The following ATP7B variants were observed in gnomAD, a reference collection of about 807,000 sequenced individuals.
The protein encoded by ATP7B is ATPase copper transporting beta, also known as copper-transporting ATPase 2.
A neutral mutation model predicts 118.9 loss-of-function variants in ATP7B; 113 were observed. The observed-to-expected ratio is 0.95, with a 90% CI of 0.82 to 1.11. ATP7B has a LOEUF of 1.11. Among genes scored for constraint, ATP7B ranks in the 50% most tolerant of loss-of-function variants. The probability of loss-of-function intolerance (pLI) is 0.00; values close to 1 mark genes in which losing one functional copy is unlikely to be tolerated. For synonymous variants in ATP7B, 777 were observed against 727.4 expected, an observed-to-expected ratio of 1.07 and a Z score of -1.10; for missense variants, 1,867 against 1,871.4, an observed-to-expected ratio of 1.00 and a Z score of 0.04.
chr13:51,945,775 T>C lies in ATP7B; in HGVS notation c.3060+509A>G, dbSNP rs567638690. On this transcript the variant is annotated intron_variant, in intron 13 of 20. Coordinates refer to ENST00000242839, the MANE Select transcript of ATP7B (RefSeq NM_000053.4). Reference sequence around the variant, plus strand: ...TCACACGCAGTGAGTGCCCAGCAAATACTGATTAAATAGGTGAAAGTGTGG... The same window carrying C: ...TCACACGCAGTGAGTGCCCAGCAAACACTGATTAAATAGGTGAAAGTGTGG... Among the ~76,000 whole-genome samples, 43 of 152,288 alleles carry C rather than the reference T, an allele frequency of 2.8e-4. No individual in the cohort carries two copies. The South Asian group carries it at 8.7e-3, about 31-fold the overall frequency.
chr13:51,963,663 G>A (rs1016425002), intron 5 of ATP7B, among the ~76,000 whole-genome samples: 3 of 150,596 alleles, frequency 2.0e-5, no homozygotes, highest in African/African-American at 4.9e-5. Context: ...TTGATCCCAG[G>A]AGGCGGAGGT....
intron 5 of ATP7B, chr13:51,964,667 C>A: frequency 1.7e-6 from 1 of 581,094 alleles, no homozygotes; most frequent in Non-Finnish European, 3.0e-6. Flanking sequence ...CTTTCTCTTA[C>A]CCATTCACTG....
At chr13:51,957,911 G>A (rs1433585043) in intron 8 of ATP7B, 2 of 467,142 alleles carry the variant, frequency 4.3e-6, no homozygotes, top group Non-Finnish European at 7.9e-6. Flanking sequence ...TTTAGGGCCT[G>A]AGTTCCATTC....
intron 1 of ATP7B, among the ~76,000 whole-genome samples, chr13:51,997,073 G>A (rs888308870): frequency 1.3e-5 from 2 of 152,136 alleles, no homozygotes; most frequent in African/African-American, 4.8e-5. Context: ...AAATACATCA[G>A]GTGCATCTGT....
At chr13:51,973,006 TA>T (rs1434288618) in intron 2 of ATP7B, among the ~76,000 whole-genome samples, 1 of 152,046 alleles carries the variant, frequency 6.6e-6, no homozygotes, top group Non-Finnish European at 1.5e-5. Flanking sequence ...ACCGTGTCCC[TA>T]AAAAAATTAA....
At chr13:51,967,072 TTGAAA>T (rs1951588640) in intron 4 of ATP7B, 1 of 1,603,454 alleles carries the variant, frequency 6.2e-7, no homozygotes, top group Admixed American at 1.7e-5. Context: ...AACAAGAAAA[TTGAAA>T]GATGGGAAAT....
chr13:51,961,839 C>T lies in ATP7B; in HGVS notation c.1944G>A (p.Lys648=), dbSNP rs1302960255. 1 of 1,613,458 alleles carries T rather than the reference C, an allele frequency of 6.2e-7. No homozygotes were observed. The highest frequency in any genetic ancestry group is 8.5e-7 in the Non-Finnish European group (1 of 1,179,564). Residue 648 remains lysine (K), a splice_region_variant and synonymous_variant, in exon 6 of 21, where the codon AAG becomes AAA. Coordinates refer to ENST00000242839, the MANE Select transcript of ATP7B (RefSeq NM_000053.4). ...AHHLDHKMEI[K]QWKKSFLCSL... ...TTTATCTTTTGTGTTCTACCTACTG[C>T]TTTATTTCCATCTTGTGGTCCAAGT...
intron 9 of ATP7B, among the ~76,000 whole-genome samples, chr13:51,955,881 G>C (rs528410458): frequency 6.6e-6 from 1 of 152,308 alleles, no homozygotes; most frequent in Non-Finnish European, 1.5e-5. Flanking sequence ...TCCTGTTTGG[G>C]GGCAGCGCAG....
chr13:51,991,087 A>G (rs891679136), intron 1 of ATP7B, among the ~76,000 whole-genome samples: 12 of 151,926 alleles, frequency 7.9e-5, no homozygotes, highest in Non-Finnish European at 1.5e-4. Context: ...ACTCTGTCTC[A>G]TATTTAAAGA....
chr13:51,942,692 A>C (rs1056865978), intron 14 of ATP7B, 138 bp from the exon 15 acceptor site: 1 of 1,005,948 alleles, frequency 9.9e-7, no homozygotes, highest in East Asian at 2.6e-5. Context: ...AAAGGAGGGG[A>C]GGGAGGTGGA....
At chr13:51,962,771 G>A (rs1476668363) in intron 5 of ATP7B, among the ~76,000 whole-genome samples, 1 of 152,154 alleles carries the variant, frequency 6.6e-6, no homozygotes, top group Non-Finnish European at 1.5e-5. Flanking sequence ...AGGCTGGGTA[G>A]CATAGAAGCA....
chr13:51,995,049 A>G (rs1192787405), intron 1 of ATP7B, among the ~76,000 whole-genome samples: 1 of 152,222 alleles, frequency 6.6e-6, no homozygotes, highest in Non-Finnish European at 1.5e-5. Context: ...GGAAGGATTC[A>G]TTTTTGTTTG....
At chr13:51,965,428 C>T (rs923721938) in intron 4 of ATP7B, among the ~76,000 whole-genome samples, 15 of 152,236 alleles carry the variant, frequency 9.9e-5, no homozygotes, top group Admixed American at 7.2e-4. Context: ...TCCTGAAATA[C>T]TCTCCGTAAT....
intron 6 of ATP7B, among the ~76,000 whole-genome samples, chr13:51,961,473 A>T (rs900927240): frequency 6.7e-6 from 1 of 149,460 alleles, no homozygotes; most frequent in African/African-American, 2.5e-5. Context: ...AAGGAAAAAA[A>T]ATCTACACTC....
chr13:52,002,574 C>T (rs372201148), intron 1 of ATP7B, among the ~76,000 whole-genome samples: 4 of 54 alleles, frequency 0.074, no homozygotes, highest in East Asian at 0.5. Flanking sequence ...GGCAGGGAGG[C>T]GAGGGGAGAG....
chr13:51,985,793 T>G (rs1952625523), intron 1 of ATP7B, among the ~76,000 whole-genome samples: 1 of 152,164 alleles, frequency 6.6e-6, no homozygotes, highest in South Asian at 2.1e-4. Flanking sequence ...ACATGGAAAC[T>G]GAACAACCTG....
chr13:52,004,216 C>T (rs1438646956), intron 1 of ATP7B, among the ~76,000 whole-genome samples: 7 of 152,162 alleles, frequency 4.6e-5, no homozygotes, highest in African/African-American at 1.2e-4. Context: ...GAGCCAAAAT[C>T]GTGCCACTGC....
At chr13:51,968,863 CTTTTTTTT>C (rs201291586) in intron 3 of ATP7B, among the ~76,000 whole-genome samples, 10 of 128,650 alleles carry the variant, frequency 7.8e-5, no homozygotes, top group African/African-American at 2.5e-4. Flanking sequence ...TTTCTTTTTT[CTTTTTTTT>C]TTTTTTTTGA....
At chr13:51,997,582 C>A (rs1293643708) in intron 1 of ATP7B, among the ~76,000 whole-genome samples, 1 of 152,196 alleles carries the variant, frequency 6.6e-6, no homozygotes, top group Non-Finnish European at 1.5e-5. Context: ...AGGGCAGAGT[C>A]TAGACTTTGT....
Sources: gnomAD v4.1 joint callset for allele counts (sites outside exome capture counted in the v4.1 genomes callset) on GRCh38, gnomAD v4.1.1 for gene constraint, MANE v1.5 for transcripts, NCBI Gene and HGNC (gene_info 2026-07-23, HGNC 2026-07-21) for gene names.